Variants in SH3RF3 observed in about 807,000 individuals in gnomAD.
The protein encoded by SH3RF3 is SH3 domain containing ring finger 3, also known as E3 ubiquitin-protein ligase SH3RF3.
SH3RF3 carries 29 observed loss-of-function variants against 66.3 expected under a neutral mutation model. The observed-to-expected ratio is 0.44, with a 90% CI of 0.33 to 0.60. The LOEUF is 0.60. Ranked by LOEUF, SH3RF3 falls within the 20% of genes least tolerant of loss-of-function variation. The pLI, the probability that SH3RF3 is intolerant of heterozygous loss-of-function variation, is 0.04. For synonymous variants in SH3RF3, 583 were observed against 532.0 expected, an observed-to-expected ratio of 1.10 and a Z score of -1.32; for missense variants, 1,194 against 1,190.9, an observed-to-expected ratio of 1.00 and a Z score of -0.04.
intron 1 of SH3RF3, among the ~76,000 whole-genome samples, chr2:109,273,151 C>T (rs1680667495): frequency 6.6e-6 from 1 of 152,228 alleles, no homozygotes; most frequent in South Asian, 2.1e-4. Flanking sequence ...TTAAAATCCG[C>T]TGTACAGGAA....
At chr2:109,350,372 C>A in intron 2 of SH3RF3, among the ~76,000 whole-genome samples, 1 of 152,146 alleles carries the variant, frequency 6.6e-6, no homozygotes, top group Non-Finnish European at 1.5e-5. Flanking sequence ...TGTCATATCA[C>A]AGATTCTTTG....
At chr2:109,227,886 C>A (rs1012781678) in intron 1 of SH3RF3, among the ~76,000 whole-genome samples, 1 of 152,248 alleles carries the variant, frequency 6.6e-6, no homozygotes, top group Non-Finnish European at 1.5e-5. Flanking sequence ...TCTGCAACTG[C>A]AGTTCCCTGT....
At chr2:109,140,195 T>C (rs1401170047) in intron 1 of SH3RF3, among the ~76,000 whole-genome samples, 1 of 152,190 alleles carries the variant, frequency 6.6e-6, no homozygotes, top group Non-Finnish European at 1.5e-5. Context: ...TTGGTGCATA[T>C]GGGTCGATTG....
At chr2:109,207,422 G>A (rs796604551) in intron 1 of SH3RF3, among the ~76,000 whole-genome samples, 1 of 152,112 alleles carries the variant, frequency 6.6e-6, no homozygotes, top group East Asian at 1.9e-4. Flanking sequence ...AAGAAGGCTT[G>A]GCAGTTTCGA....
At chr2:109,437,843 A>G (rs1385334962) in intron 7 of SH3RF3, among the ~76,000 whole-genome samples, 1 of 152,166 alleles carries the variant, frequency 6.6e-6, no homozygotes, top group Non-Finnish European at 1.5e-5. Context: ...GCTAATAAGA[A>G]CTGCTGATGC....
intron 1 of SH3RF3, among the ~76,000 whole-genome samples, chr2:109,260,541 G>A (rs1680324310): frequency 6.6e-6 from 1 of 152,200 alleles, no homozygotes. Context: ...TGTAGCGTGG[G>A]CACAGGGACA....
intron 1 of SH3RF3, among the ~76,000 whole-genome samples, chr2:109,205,917 G>A (rs562501068): frequency 6.6e-6 from 1 of 152,268 alleles, no homozygotes; most frequent in African/African-American, 2.4e-5. Context: ...ATTATTTGTT[G>A]ACTTAAAAAA....
chr2:109,405,057 A>AC (rs1676419553), intron 4 of SH3RF3, among the ~76,000 whole-genome samples: 1 of 140,860 alleles, frequency 7.1e-6, no homozygotes, highest in Non-Finnish European at 1.5e-5. Flanking sequence ...CTACACAAAT[A>AC]CCCCCCACCT....
chr2:109,479,394 A>C (rs759030742), intron 8 of SH3RF3, among the ~76,000 whole-genome samples: 37 of 152,216 alleles, frequency 2.4e-4, no homozygotes, highest in Non-Finnish European at 4.6e-4. Context: ...TCTAAGGTTC[A>C]CTTTTAGCTC....
chr2:109,182,273 A>G (rs1315135663), intron 1 of SH3RF3, among the ~76,000 whole-genome samples: 1 of 152,214 alleles, frequency 6.6e-6, no homozygotes. Context: ...AAGGCATCGC[A>G]TGGTGAGATA....
At chr2:109,363,246 T>C (rs1466489883) in intron 2 of SH3RF3, among the ~76,000 whole-genome samples, 1 of 152,174 alleles carries the variant, frequency 6.6e-6, no homozygotes, top group Non-Finnish European at 1.5e-5. Context: ...TTTACTTTTT[T>C]AATTGGTTGC....
At chr2:109,144,201 A>G (rs1364718638) in intron 1 of SH3RF3, among the ~76,000 whole-genome samples, 1 of 152,262 alleles carries the variant, frequency 6.6e-6, no homozygotes, top group African/African-American at 2.4e-5. Flanking sequence ...AAGTATTTTC[A>G]TGACACCACG....
chr2:109,449,820 ATATT>A (rs1281084836), intron 8 of SH3RF3, among the ~76,000 whole-genome samples: 2 of 152,202 alleles, frequency 1.3e-5, no homozygotes, highest in Non-Finnish European at 2.9e-5. Flanking sequence ...TTAGAACAGG[ATATT>A]TATTGCCATG....
At chr2:109,482,438 G>C (rs536189446) in intron 8 of SH3RF3, among the ~76,000 whole-genome samples, 5 of 152,276 alleles carry the variant, frequency 3.3e-5, no homozygotes, top group Non-Finnish European at 5.9e-5. Context: ...GCAGCATCAC[G>C]CACTTCCCGC....
intron 1 of SH3RF3, among the ~76,000 whole-genome samples, chr2:109,138,889 A>G (rs979248294): frequency 1.3e-5 from 2 of 152,236 alleles, no homozygotes; most frequent in African/African-American, 4.8e-5. Context: ...TGTTCACAAA[A>G]CCAGAAGTGA....
At chr2:109,317,785 G>A (rs1477977494) in intron 1 of SH3RF3, among the ~76,000 whole-genome samples, 2 of 152,158 alleles carry the variant, frequency 1.3e-5, no homozygotes, top group African/African-American at 4.8e-5. Context: ...GTAGTGTCCT[G>A]GTGCTAACTG....
chr2:109,308,836 ATAG>A, intron 1 of SH3RF3, among the ~76,000 whole-genome samples: 1 of 60,008 alleles, frequency 1.7e-5, no homozygotes, highest in Non-Finnish European at 2.6e-5. Flanking sequence ...GCCTTGTAGT[ATAG>A]TTTGAAGTCA....
At chr2:109,302,209 A>G (rs1014401289) in intron 1 of SH3RF3, among the ~76,000 whole-genome samples, 16 of 152,144 alleles carry the variant, frequency 1.1e-4, no homozygotes, top group East Asian at 3.9e-4. Context: ...GACACATGCA[A>G]TTTGTGGTGT....
intron 1 of SH3RF3, among the ~76,000 whole-genome samples, chr2:109,154,912 G>C (rs1677305337): frequency 6.6e-6 from 1 of 152,224 alleles, no homozygotes. Flanking sequence ...GTGGCCTTTG[G>C]AGAGTGTTGG....
Sources: allele counts gnomAD v4.1 joint callset (sites outside exome capture counted in the v4.1 genomes callset), GRCh38; gene constraint gnomAD v4.1.1; transcripts MANE v1.5; gene names NCBI Gene and HGNC (gene_info 2026-07-23, HGNC 2026-07-21).